Variants in NPAS2 observed in about 807,000 individuals in gnomAD.
NPAS2 encodes neuronal PAS domain protein 2.
NPAS2 carries 23 observed loss-of-function variants against 107.5 expected under a neutral mutation model. That is an observed-to-expected ratio of 0.21 (90% CI 0.15 to 0.30). NPAS2 has a LOEUF of 0.30. NPAS2 is among the 10% of genes least tolerant of loss of function. The pLI is 1.00. For synonymous variants in NPAS2, 403 were observed against 417.5 expected (o/e 0.97, Z 0.42); for missense variants, 756 against 1,043.3 (o/e 0.72, Z 3.79).
intron 1 of NPAS2, among the ~76,000 whole-genome samples, chr2:100,822,965 T>A (rs2104308387): frequency 6.6e-6 from 1 of 152,298 alleles, no homozygotes; most frequent in East Asian, 1.9e-4. Flanking sequence ...AGTGTCTGAT[T>A]AGCATGTTCC....
In NPAS2 at chr2:100,932,960, T is replaced by C; in HGVS notation, c.232T>C (p.Ser78Pro). ...ICDIQQDWKP[S>P]FLSNEEFTQL... Reference sequence around the variant, plus strand: ...TGACATTCAGCAAGACTGGAAGCCTTCATTCCTCAGTAATGAAGAATTCAC... The same window carrying C: ...TGACATTCAGCAAGACTGGAAGCCTCCATTCCTCAGTAATGAAGAATTCAC... The change falls in exon 4 of 21, where the codon TCA (serine) becomes CCA (proline). Residue 78 changes from serine (S) to proline (P), a missense_variant. By Grantham distance (74) the Ser-to-Pro change is moderately conservative. This residue lies in a region of NPAS2 where 146 missense variants were observed against 249.6 expected (regional missense o/e 0.58). Transcript: ENST00000335681. 6.2e-7 allele frequency: 1 copy of C among 1,614,110 alleles called. No homozygotes were observed. Among genetic ancestry groups the C allele is most frequent in the Non-Finnish European group, 8.5e-7 (1 of 1,179,944 alleles).
In NPAS2 at chr2:100,975,249, A is replaced by C. The variant is rs906654386; in HGVS notation, c.1283-209A>C. ...GGCAGCTCATTGGACCAAGCAGCCG[A>C]AATGAAGTTTAGGGAGTGTTTGTGG... is the stretch of plus-strand genomic sequence containing the variant. On this transcript the variant is annotated intron_variant, in intron 13 of 20. Coordinates refer to ENST00000335681, the MANE Select transcript of NPAS2 (RefSeq NM_002518.4). 2.3e-5 allele frequency: 14 copies of C among 598,338 alleles called. No individual in the cohort carries two copies. The African/African-American group carries it at 2.6e-4, about 11-fold the overall frequency. 37.1% of individuals were successfully genotyped at this position (598,338 alleles called of 1,614,324 possible).
chr2:100,847,056 T>G (rs1330410702), intron 1 of NPAS2: 1 of 152,256 alleles, frequency 6.6e-6, no homozygotes, highest in African/African-American at 2.4e-5. Flanking sequence ...CTCAGAACGC[T>G]TCAAGCTTTT....
chr2:100,902,038 C>T (rs1681816611), intron 1 of NPAS2, among the ~76,000 whole-genome samples: 1 of 152,034 alleles, frequency 6.6e-6, no homozygotes, highest in African/African-American at 2.4e-5. Flanking sequence ...ATTTAAGCTC[C>T]TTTTCTGTTT....
chr2:100,977,772 G>T lies in NPAS2; in HGVS notation c.1455G>T (p.Leu485=). 1 of 1,614,110 alleles carries T rather than the reference G, an allele frequency of 6.2e-7. No homozygotes were observed. The highest frequency in any genetic ancestry group is 2.2e-5 in the East Asian group (1 of 44,876). ...LTQQLLPQTV[L]QSTPAPMAQF... ...AGCAGCTCCTGCCTCAGACCGTTCT[G>T]CAGAGCACGCCCGCTCCCATGGCAC... Residue 485 remains leucine, a synonymous_variant, in exon 15 of 21, where the codon CTG becomes CTT. Transcript: ENST00000335681.
intron 1 of NPAS2, among the ~76,000 whole-genome samples, chr2:100,895,318 C>T (rs556226116): frequency 6.6e-6 from 1 of 152,350 alleles, no homozygotes; most frequent in African/African-American, 2.4e-5. Context: ...CTTGGACTCT[C>T]TTATGCTGTC....
chr2:100,980,539 G>A (rs1018402108), intron 15 of NPAS2, among the ~76,000 whole-genome samples: 4 of 151,770 alleles, frequency 2.6e-5, no homozygotes, highest in African/African-American at 7.3e-5. Flanking sequence ...GTGCAATCTC[G>A]GCTCACTGCA....
chr2:100,821,769 A>C (rs1432414093), intron 1 of NPAS2, among the ~76,000 whole-genome samples: 1 of 152,174 alleles, frequency 6.6e-6, no homozygotes, highest in Non-Finnish European at 1.5e-5. Flanking sequence ...TCTTCCTGCC[A>C]CTAAGATGTC....
Position 100,879,535 on chromosome 2 carries a change from A to G in NPAS2, c.-22-25198A>G, listed in dbSNP as rs75509623. ...CCGTCCCAAACCCCTGGTAACCACT[A>G]TTTTCTTCTCTTATCTCTGTTTTTT... On this transcript the variant is annotated intron_variant, in intron 1 of 20. Transcript: ENST00000335681. 5.9e-3 allele frequency among the ~76,000 whole-genome samples: 889 copies of G among 151,176 alleles called. 51 individuals carry two copies. The East Asian group carries it at 0.14, about 23-fold the overall frequency.
chr2:100,956,267 C>CGTCAG (rs1300314575), intron 7 of NPAS2, among the ~76,000 whole-genome samples: 2 of 152,130 alleles, frequency 1.3e-5, no homozygotes, highest in Non-Finnish European at 2.9e-5. Flanking sequence ...CCCTGCCTGA[C>CGTCAG]GCTGAGGTTT....
chr2:100,996,138 T>A lies in NPAS2; in HGVS notation c.*556T>A. 6.0e-6 allele frequency: 2 copies of A among 335,914 alleles called. No homozygotes were observed. Among genetic ancestry groups the A allele is most frequent in the South Asian group, 7.7e-5 (2 of 25,972 alleles). 20.8% of individuals were successfully genotyped at this position (335,914 alleles called of 1,614,324 possible). ...TGTTTTTTTTAAAAAAATAATAAGGTCTCATGGCTTCATTTAGAGACCACA... is the reference window on the plus strand; with the variant it reads ...TGTTTTTTTTAAAAAAATAATAAGGACTCATGGCTTCATTTAGAGACCACA... On this transcript the variant is annotated 3_prime_UTR_variant, in exon 21 of 21. Transcript: ENST00000335681.
intron 3 of NPAS2, among the ~76,000 whole-genome samples, chr2:100,926,937 CTTTCTTTTTTTT>C: frequency 7.2e-6 from 1 of 138,222 alleles, no homozygotes. Flanking sequence ...TTCTTTTTTT[CTTTCTTTTTTTT>C]TTTTTTTTTG....
chr2:100,982,994 T>C (rs1377672782), intron 16 of NPAS2: 1 of 152,692 alleles, frequency 6.5e-6, no homozygotes, highest in African/African-American at 2.4e-5. Flanking sequence ...GTTTTTTGTT[T>C]TGTTTTGGAG....
chr2:100,954,886 T>C (rs200166816), intron 7 of NPAS2, among the ~76,000 whole-genome samples: 36,469 of 150,536 alleles, frequency 0.24, 4,790 homozygotes, highest in East Asian at 0.46. Context: ...TGTTTTTTTT[T>C]GGTTTTTTTG....
At chr2:100,970,543 T>G (rs946725667) in intron 11 of NPAS2, 2 of 156,172 alleles carry the variant, frequency 1.3e-5, no homozygotes, top group Non-Finnish European at 2.8e-5. Flanking sequence ...CGGGTTGGTT[T>G]GAGAGGAAAC....
At chr2:100,949,880 C>T (rs745775630) in intron 7 of NPAS2, among the ~76,000 whole-genome samples, 4 of 152,306 alleles carry the variant, frequency 2.6e-5, no homozygotes, top group African/African-American at 4.8e-5. Context: ...CTGTCATGAG[C>T]GTATTTTAGT....
intron 20 of NPAS2, 120 bp downstream of exon 20, chr2:100,993,647 A>AAGTT: frequency 1.4e-6 from 1 of 736,128 alleles, no homozygotes; most frequent in Non-Finnish European, 2.1e-6. Context: ...CCTAGTATAG[A>AAGTT]AGTAAGCCCC....
chr2:100,847,505 G>A (rs1228527465), intron 1 of NPAS2, among the ~76,000 whole-genome samples: 5 of 152,038 alleles, frequency 3.3e-5, no homozygotes, highest in South Asian at 4.2e-4. Context: ...GAGTAGCTGG[G>A]ACTATAGGCA....
chr2:100,937,224 A>G (rs1196894925), intron 4 of NPAS2, among the ~76,000 whole-genome samples: 2 of 152,132 alleles, frequency 1.3e-5, no homozygotes, highest in Admixed American at 6.5e-5. Context: ...CTTTACAAAC[A>G]GTTCCTTCAG....
Sources: allele counts gnomAD v4.1 joint callset (sites outside exome capture counted in the v4.1 genomes callset), GRCh38; gene constraint gnomAD v4.1.1; regional missense constraint gnomAD v4.1.1; transcripts MANE v1.5; gene names NCBI Gene and HGNC (gene_info 2026-07-23, HGNC 2026-07-21).